The following ATG7 variants were observed in gnomAD, a reference collection of about 807,000 sequenced individuals.
The protein encoded by ATG7 is autophagy related 7.
ATG7 carries 70 observed loss-of-function variants against 82.4 expected under a neutral mutation model. The ratio of observed to expected loss-of-function variants is 0.85; its 90% CI spans 0.70 to 1.04. The LOEUF (loss-of-function observed/expected upper bound fraction) is 1.04, where lower values mean the gene tolerates loss of function less well. Among genes scored for constraint, ATG7 ranks in the 50% least tolerant of loss-of-function variants. The pLI, the probability that ATG7 is intolerant of heterozygous loss-of-function variation, is 0.00. For missense variants in ATG7, 792 were observed against 864.3 expected (o/e 0.92, Z 1.05); for synonymous variants, 287 against 313.0 (o/e 0.92, Z 0.88).
chr3:11,334,273 C>G (rs1215781567), intron 11 of ATG7, among the ~76,000 whole-genome samples: 1 of 151,940 alleles, frequency 6.6e-6, no homozygotes, highest in East Asian at 2.0e-4. Context: ...GAGGCAGAGT[C>G]TAGCTTTGTC....
intron 20 of ATG7, among the ~76,000 whole-genome samples, chr3:11,449,964 A>G (rs1478014677): frequency 6.6e-6 from 1 of 152,162 alleles, no homozygotes; most frequent in Non-Finnish European, 1.5e-5. Flanking sequence ...TTGGCCCTCA[A>G]TAAACTAGTC....
intron 19 of ATG7, among the ~76,000 whole-genome samples, chr3:11,420,819 G>A (rs533308113): frequency 3.4e-5 from 5 of 147,440 alleles, no homozygotes; most frequent in East Asian, 2.0e-4. Flanking sequence ...GCAATGGCGC[G>A]ATCTCGGCTC....
intron 20 of ATG7, among the ~76,000 whole-genome samples, chr3:11,470,043 C>A (rs2087309521): frequency 6.7e-6 from 1 of 148,156 alleles, no homozygotes; most frequent in African/African-American, 2.5e-5. Context: ...GCTGTGCGTG[C>A]TTCAGCTACC....
intron 20 of ATG7, among the ~76,000 whole-genome samples, chr3:11,513,728 G>A (rs991145614): frequency 5.3e-5 from 8 of 152,224 alleles, no homozygotes; most frequent in African/African-American, 1.4e-4. Flanking sequence ...CTCAAGTGCC[G>A]CCAAAGTGGG....
downstream of ATG7, among the ~76,000 whole-genome samples, chr3:11,562,219 C>T (rs2073088782): frequency 6.6e-6 from 1 of 152,116 alleles, no homozygotes; most frequent in African/African-American, 2.4e-5. Flanking sequence ...AGCTTAACCC[C>T]ATCTTGCCTC....
At chr3:11,438,989 T>G (rs1255689151) in intron 20 of ATG7, among the ~76,000 whole-genome samples, 1 of 152,152 alleles carries the variant, frequency 6.6e-6, no homozygotes, top group African/African-American at 2.4e-5. Context: ...TTGGGGAGTT[T>G]CCATATTTTG....
In ATG7 at chr3:11,275,104, G is replaced by A. The variant is rs183678663; in HGVS notation, c.-366+2674G>A. ...GTGGGAGGAGTTGAGAGATTAAGGA[G>A]GTGGAATTTGCTGGACTTGGTAACT... On this transcript the variant is annotated intron_variant, in intron 1 of 20. Transcript: ENST00000693202. 1.8e-4 allele frequency among the ~76,000 whole-genome samples: 28 copies of A among 152,144 alleles called. 1 individual carries two copies. The highest frequency in any genetic ancestry group is 5.9e-4 in the Admixed American group (9 of 15,278).
intron 7 of ATG7, among the ~76,000 whole-genome samples, chr3:11,309,673 C>T (rs887512746): frequency 3.3e-5 from 5 of 152,044 alleles, no homozygotes; most frequent in South Asian, 2.1e-4. Flanking sequence ...TGCATGCATG[C>T]GCGTGTGTGC....
In ATG7 at chr3:11,409,722, T is replaced by C. The variant is rs550091678; in HGVS notation, c.1957-17082T>C. 1.2e-4 allele frequency among the ~76,000 whole-genome samples: 18 copies of C among 152,150 alleles called. No individual in the cohort carries two copies. The South Asian group carries it at 3.5e-3, about 30-fold the overall frequency. On this transcript the variant is annotated intron_variant, in intron 19 of 20. Coordinates refer to ENST00000693202, the MANE Select transcript of ATG7 (RefSeq NM_001349232.2). Reference sequence around the variant, plus strand: ...TGTGTTTTATATGTAGGTAGGTCTGTGATACATTTTGAGTTATTTTTTGTG... The same window carrying C: ...TGTGTTTTATATGTAGGTAGGTCTGCGATACATTTTGAGTTATTTTTTGTG...
intron 20 of ATG7, among the ~76,000 whole-genome samples, chr3:11,506,183 G>A (rs569462540): frequency 8.5e-4 from 130 of 152,216 alleles, no homozygotes; most frequent in African/African-American, 2.8e-3. Context: ...TTAAGGTATA[G>A]GCTAAGGTAC....
intron 20 of ATG7, among the ~76,000 whole-genome samples, chr3:11,499,676 G>A (rs2091168195): frequency 6.6e-6 from 1 of 151,526 alleles, no homozygotes. Context: ...GAACCGGGAA[G>A]GCAGAGGTTG....
chr3:11,482,062 A>G (rs1362939862), intron 20 of ATG7, among the ~76,000 whole-genome samples: 1 of 152,162 alleles, frequency 6.6e-6, no homozygotes, highest in Non-Finnish European at 1.5e-5. Context: ...GTGGGAGCTC[A>G]TGAGCGGTCC....
intron 20 of ATG7, among the ~76,000 whole-genome samples, chr3:11,464,455 T>G (rs562273804): frequency 1.1e-4 from 17 of 152,334 alleles, no homozygotes; most frequent in Non-Finnish European, 2.4e-4. Flanking sequence ...GTTGGTTAAC[T>G]CCGCACCCCC....
At chr3:11,561,736 G>A (rs1224838911), downstream of ATG7, among the ~76,000 whole-genome samples, 5 of 151,998 alleles carry the variant, frequency 3.3e-5, no homozygotes, top group African/African-American at 4.8e-5. Flanking sequence ...GTTACGCTGC[G>A]GATTTGTGGC....
chr3:11,510,135 C>A (rs759460437), intron 20 of ATG7: 4 of 437,634 alleles, frequency 9.1e-6, no homozygotes, highest in Non-Finnish European at 1.8e-5. Context: ...AAGGAAGGTA[C>A]GTGCCTGACA....
intron 19 of ATG7, among the ~76,000 whole-genome samples, chr3:11,423,040 T>G (rs776929420): frequency 2.2e-4 from 33 of 152,158 alleles, no homozygotes; most frequent in Non-Finnish European, 3.7e-4. Context: ...CAAATAGGCA[T>G]GAGCCACCGG....
chr3:11,468,687 G>A (rs974760141), intron 20 of ATG7, among the ~76,000 whole-genome samples: 3 of 152,184 alleles, frequency 2.0e-5, no homozygotes, highest in Non-Finnish European at 4.4e-5. Context: ...CCTGTGACCT[G>A]TTCCTCTAAA....
chr3:11,361,376 C>G (rs956033411), intron 16 of ATG7, among the ~76,000 whole-genome samples: 1 of 151,870 alleles, frequency 6.6e-6, no homozygotes, highest in Non-Finnish European at 1.5e-5. Flanking sequence ...CCTCTGCCTC[C>G]TGGGTTCAAG....
chr3:11,444,945 A>C (rs1047524232), intron 20 of ATG7, among the ~76,000 whole-genome samples: 1 of 152,246 alleles, frequency 6.6e-6, no homozygotes, highest in Non-Finnish European at 1.5e-5. Context: ...GCGAAAAAGC[A>C]TATGTTAAAA....
Sources: allele counts gnomAD v4.1 joint callset (sites outside exome capture counted in the v4.1 genomes callset), GRCh38; gene constraint gnomAD v4.1.1; transcripts MANE v1.5; gene names NCBI Gene and HGNC (gene_info 2026-07-23, HGNC 2026-07-21).